The following MYOM2 variants were observed in gnomAD, a reference collection of about 807,000 sequenced individuals.
MYOM2 encodes the protein myomesin 2.
A neutral mutation model predicts 187.6 loss-of-function variants in MYOM2; 254 were observed. That is an observed-to-expected ratio of 1.35 (90% confidence interval 1.22 to 1.50). The LOEUF is 1.50. Ranked by LOEUF, MYOM2 falls within the 40% of genes most tolerant of loss-of-function variation. MYOM2 has a pLI of 0.00. For synonymous variants in MYOM2, 981 were observed against 753.8 expected, an observed-to-expected ratio of 1.30 and a Z score of -4.94; for missense variants, 2,796 against 1,924.0, an observed-to-expected ratio of 1.45 and a Z score of -8.48.
intron 21 of MYOM2, 112 bp from the exon 22 acceptor site, chr8:2,106,130 T>G: frequency 9.2e-7 from 1 of 1,085,294 alleles, no homozygotes; most frequent in Non-Finnish European, 1.3e-6. Context: ...GATTACAATT[T>G]GAGATGAGAT....
intron 14 of MYOM2, among the ~76,000 whole-genome samples, chr8:2,088,998 G>A (rs1218736934): frequency 6.6e-6 from 1 of 152,000 alleles, no homozygotes; most frequent in Non-Finnish European, 1.5e-5. Flanking sequence ...GACGCCCTGG[G>A]GGCTCCCACC....
intron 6 of MYOM2, 49 bp downstream of exon 6, chr8:2,059,294 T>C (rs550592689): frequency 2.6e-6 from 4 of 1,545,758 alleles, no homozygotes; most frequent in Non-Finnish European, 3.6e-6. Flanking sequence ...TAATCAGCAT[T>C]GCAGACCCCA....
rs144413619 is a variant in MYOM2, at chr8:2,140,826, A to G, written c.3904A>G (p.Thr1302Ala). The stretch of plus-strand genomic sequence containing the variant: ...GACTGAGAAGGATAAAGGAAAATAC[A>G]CTTTTGAGATTTTCGATGGCAAAGA... Reference protein sequence around the residue: ...EPTEKDKGKYTFEIFDGKDNH... With the variant: ...EPTEKDKGKYAFEIFDGKDNH... The change falls in exon 33 of 37, where the codon ACT becomes GCT. Residue 1302 changes from threonine to alanine, a missense_variant. Coordinates refer to ENST00000262113, the MANE Select transcript of MYOM2 (RefSeq NM_003970.4). The G allele has an allele frequency of 7.0e-4, 1,130 of 1,614,058 alleles. 4 individuals are homozygous for G. The highest frequency in any genetic ancestry group is 8.7e-4 in the Non-Finnish European group (1,025 of 1,179,958).
At position 2,113,195 on chromosome 8, in the gene MYOM2, G is replaced by A. The variant is rs115130991; in HGVS notation, c.3181-2765G>A. On this transcript the variant is annotated intron_variant, in intron 25 of 36. Transcript: ENST00000262113. ...GTGGCATGGCTGGGGCGAGTCCCGC[G>A]CTGGACATTGGATTCCCTCGACGCC... Among the ~76,000 whole-genome samples, 617 of 152,336 alleles carry A rather than the reference G, an allele frequency of 4.1e-3. 3 individuals are homozygous for A. The highest frequency in any genetic ancestry group is 0.014 in the African/African-American group (593 of 41,574).
rs76610188 is a variant in MYOM2 at position 2,071,760 on chromosome 8, C to G, written c.794-585C>G. On this transcript the variant is annotated intron_variant, in intron 8 of 36. Coordinates refer to ENST00000262113, the MANE Select transcript of MYOM2 (RefSeq NM_003970.4). ...ACAGCAAACACTTATCCTCTCTGTT[C>G]TGGAGGCAGAAGCCTGACACTCAGC... 9.7e-3 allele frequency among the ~76,000 whole-genome samples: 1,471 copies of G among 152,320 alleles called. 15 individuals carry two copies. The highest frequency in any genetic ancestry group is 0.032 in the African/African-American group (1,320 of 41,582).
At chr8:2,050,948 C>T in intron 2 of MYOM2, 75 bp downstream of exon 2, 4 of 1,199,448 alleles carry the variant, frequency 3.3e-6, no homozygotes, top group Non-Finnish European at 4.8e-6. Flanking sequence ...TTTTCCAGTT[C>T]CGTCAGCCCT....
intron 31 of MYOM2, among the ~76,000 whole-genome samples, chr8:2,125,604 CTTTTTTTTTTTTT>C (rs35137852): frequency 1.1e-5 from 1 of 89,288 alleles, no homozygotes; most frequent in African/African-American, 4.2e-5. Context: ...ATTATTTTTC[CTTTTTTTTTTTTT>C]TTTTTTTTTG....
intron 31 of MYOM2, among the ~76,000 whole-genome samples, chr8:2,127,524 C>T (rs1019281582): frequency 1.3e-5 from 2 of 152,250 alleles, no homozygotes; most frequent in Non-Finnish European, 2.9e-5. Context: ...TGGTTTCCTC[C>T]TTTGCAGTGG....
chr8:2,058,135 C>A (rs553838130), intron 5 of MYOM2, among the ~76,000 whole-genome samples: 79 of 150,148 alleles, frequency 5.3e-4, no homozygotes, highest in African/African-American at 1.9e-3. Context: ...TCTCCTGCCT[C>A]AGCCTCCTGA....
chr8:2,046,445 C>T (rs1472183601), intron 1 of MYOM2, among the ~76,000 whole-genome samples: 1 of 152,178 alleles, frequency 6.6e-6, no homozygotes, highest in African/African-American at 2.4e-5. Flanking sequence ...AGTCAGCTGG[C>T]GCCTGGGTTC....
At chr8:2,056,986 G>T (rs1818688126) in intron 3 of MYOM2, among the ~76,000 whole-genome samples, 1 of 152,132 alleles carries the variant, frequency 6.6e-6, no homozygotes. Flanking sequence ...TCTCTGAGTG[G>T]GTGCCTGTTG....
At chr8:2,050,112 C>G (rs1818433677) in intron 1 of MYOM2, among the ~76,000 whole-genome samples, 1 of 152,170 alleles carries the variant, frequency 6.6e-6, no homozygotes, top group Non-Finnish European at 1.5e-5. Context: ...CAGACACCCG[C>G]CACCTCCGCT....
At chr8:2,104,398 C>A (rs578067252) in intron 21 of MYOM2, among the ~76,000 whole-genome samples, 1 of 152,016 alleles carries the variant, frequency 6.6e-6, no homozygotes, top group African/African-American at 2.4e-5. Context: ...GTCAGGAGAT[C>A]GAGACCATCC....
At position 2,144,550 on chromosome 8, in the gene MYOM2, G is replaced by C. The variant is rs112030966; in HGVS notation, c.4081-114G>C. 3.2e-3 allele frequency: 3,519 copies of C among 1,090,774 alleles called. 100 individuals carry two copies. The African/African-American group carries it at 0.048, about 15-fold the overall frequency. 67.6% of individuals were successfully genotyped at this position (1,090,774 alleles called of 1,614,324 possible). A position where few individuals can be genotyped will look rare whatever the true frequency, so the allele number is the denominator to read the frequency against. Reference sequence around the variant, plus strand: ...CATAAAGGCTTGTTTCTAAACAAACGATTGAAGGACCAATAAATGTAACTG... The same window carrying C: ...CATAAAGGCTTGTTTCTAAACAAACCATTGAAGGACCAATAAATGTAACTG... On this transcript the variant is annotated intron_variant, in intron 36 of 36. Transcript: ENST00000262113.
At chr8:2,120,656 CTG>C (rs1797396719) in intron 28 of MYOM2, among the ~76,000 whole-genome samples, 1 of 2,180 alleles carries the variant, frequency 4.6e-4, no homozygotes, top group Non-Finnish European at 9.2e-4. Context: ...ATTTGATTTC[CTG>C]TATATATATA....
intron 1 of MYOM2, among the ~76,000 whole-genome samples, chr8:2,046,751 CTTTTT>C (rs574408692): frequency 7.2e-6 from 1 of 139,508 alleles, no homozygotes; most frequent in African/African-American, 2.6e-5. Flanking sequence ...TTTCTTTTTT[CTTTTT>C]TTTTTTTTTG....
chr8:2,137,784 T>C (rs1288209772), intron 32 of MYOM2, among the ~76,000 whole-genome samples: 1 of 152,140 alleles, frequency 6.6e-6, no homozygotes, highest in African/African-American at 2.4e-5. Context: ...ATCTGCAATT[T>C]CTGATTTGCT....
At chr8:2,105,560 G>C (rs1796860938) in intron 21 of MYOM2, among the ~76,000 whole-genome samples, 1 of 152,174 alleles carries the variant, frequency 6.6e-6, no homozygotes, top group African/African-American at 2.4e-5. Context: ...CTTCCCCTGA[G>C]GGTCAGAGAA....
intron 6 of MYOM2, among the ~76,000 whole-genome samples, chr8:2,065,073 A>C (rs1364706039): frequency 6.6e-6 from 1 of 152,364 alleles, no homozygotes; most frequent in East Asian, 1.9e-4. Flanking sequence ...ATATGATAAA[A>C]CCACAAAATG....
Sources: allele counts gnomAD v4.1 joint callset (sites outside exome capture counted in the v4.1 genomes callset), GRCh38; gene constraint gnomAD v4.1.1; transcripts MANE v1.5; gene names NCBI Gene and HGNC (gene_info 2026-07-23, HGNC 2026-07-21).